The following CLASP1 variants were observed in gnomAD, a reference collection of about 807,000 sequenced individuals.
CLASP1 encodes the protein CLIP-associating protein 1.
In CLASP1, 38 loss-of-function variants were observed where a neutral mutation model predicts 192.3. The ratio of observed to expected loss-of-function variants is 0.20; its 90% confidence interval spans 0.15 to 0.26. The LOEUF is 0.26. Ranked by LOEUF, CLASP1 falls within the 10% of genes least tolerant of loss-of-function variation. The pLI is 1.00. For synonymous variants in CLASP1, 691 were observed against 712.8 expected (o/e 0.97, Z 0.49); for missense variants, 1,433 against 1,932.5 (o/e 0.74, Z 4.85).
chr2:121,520,778 T>G (rs1207444385), intron 6 of CLASP1, among the ~76,000 whole-genome samples: 1 of 152,216 alleles, frequency 6.6e-6, no homozygotes, highest in South Asian at 2.1e-4. Flanking sequence ...CTCGGACCAC[T>G]GGCTGCCTCT....
chr2:121,358,667 T>C (rs1477043296), intron 37 of CLASP1, among the ~76,000 whole-genome samples: 1 of 152,254 alleles, frequency 6.6e-6, no homozygotes, highest in African/African-American at 2.4e-5. Context: ...TATAAATAAC[T>C]TTGGTCTGAT....
At chr2:121,526,461 G>A (rs1358011048) in intron 5 of CLASP1, among the ~76,000 whole-genome samples, 1 of 152,174 alleles carries the variant, frequency 6.6e-6, no homozygotes, top group Non-Finnish European at 1.5e-5. Flanking sequence ...TCCCTGTCAT[G>A]ACAAATAGCC....
At chr2:121,517,981 C>T (rs1430671827) in intron 6 of CLASP1, among the ~76,000 whole-genome samples, 1 of 138,462 alleles carries the variant, frequency 7.2e-6, no homozygotes, top group Non-Finnish European at 1.5e-5. Context: ...TTCAGGAGTT[C>T]GAGTTCAGGC....
intron 1 of CLASP1, among the ~76,000 whole-genome samples, chr2:121,640,055 T>C (rs980428931): frequency 6.6e-6 from 1 of 151,842 alleles, no homozygotes; most frequent in Admixed American, 6.6e-5. Context: ...AAAGGATGAG[T>C]TCATGTCCTT....
intron 1 of CLASP1, among the ~76,000 whole-genome samples, chr2:121,620,864 G>GA (rs1311771157): frequency 6.6e-6 from 1 of 151,622 alleles, no homozygotes; most frequent in Admixed American, 6.6e-5. Context: ...GGTGCCATTT[G>GA]AAAAAAAGGT....
At chr2:121,339,958 ATCACCGTG>A (rs1482759647) in exon 40 of CLASP1, 1 of 152,212 alleles carries the variant, frequency 6.6e-6, no homozygotes, top group African/African-American at 2.4e-5. Context: ...CTCAATCTGA[ATCACCGTG>A]TAGCCCAGAG....
intron 1 of CLASP1, among the ~76,000 whole-genome samples, chr2:121,630,680 A>G (rs1419699930): frequency 6.7e-6 from 1 of 149,862 alleles, no homozygotes; most frequent in African/African-American, 2.5e-5. Context: ...CCTGGCCAAC[A>G]TGGCAAAACT....
chr2:121,600,335 G>C (rs984282214), intron 2 of CLASP1, among the ~76,000 whole-genome samples: 38 of 152,146 alleles, frequency 2.5e-4, no homozygotes, highest in Admixed American at 2.2e-3. Context: ...TAAAATATTA[G>C]AGCTTGAGGG....
At position 121,402,189 on chromosome 2, in the gene CLASP1, C is replaced by T. The variant is rs1051790084; in HGVS notation, c.2734-319G>A. On this transcript the variant is annotated intron_variant, in intron 26 of 39. Transcript: ENST00000263710. The stretch of plus-strand genomic sequence containing the variant: ...ATGAGCCAATAAAAACACCTACTCA[C>T]TATTGTGTAGCTATTGCTTTTCACG... Among the ~76,000 whole-genome samples, 14 of 152,292 alleles carry T rather than the reference C, an allele frequency of 9.2e-5. No individual in the cohort carries two copies. In the East Asian group the frequency reaches 1.7e-3, roughly 19 times the overall value.
intron 1 of CLASP1, among the ~76,000 whole-genome samples, chr2:121,611,603 TG>T (rs2065515363): frequency 1.8e-5 from 1 of 56,772 alleles, no homozygotes; most frequent in African/African-American, 8.2e-5. Flanking sequence ...GAGGAGGAGT[TG>T]GAGGAGTTAC....
intron 8 of CLASP1, among the ~76,000 whole-genome samples, chr2:121,502,901 A>C (rs1018650970): frequency 3.3e-5 from 5 of 152,224 alleles, no homozygotes; most frequent in African/African-American, 1.2e-4. Context: ...AGACAGCAGC[A>C]GTGATGATGA....
In CLASP1 at chr2:121,470,094, T is replaced by A. The variant is rs952750238; in HGVS notation, c.713-134A>T. The A allele has an allele frequency of 2.2e-5, 17 of 765,736 alleles. No individual in the cohort carries two copies. The African/African-American group carries it at 2.6e-4, about 12-fold the overall frequency. 47.4% of individuals were successfully genotyped at this position (765,736 alleles called of 1,614,324 possible). On this transcript the variant is annotated intron_variant, in intron 8 of 39. Coordinates refer to ENST00000263710, the Ensembl canonical transcript of CLASP1. ...CTGCATACTCTTTTGGAATCTGAGG[T>A]GCTCCTCTAGGGTCTGGAAAGCCTT...
chr2:121,576,030 T>C (rs1421620442), intron 2 of CLASP1, among the ~76,000 whole-genome samples: 2 of 152,266 alleles, frequency 1.3e-5, no homozygotes, highest in East Asian at 1.9e-4. Context: ...AATAGCAAGG[T>C]ATTACACAAC....
chr2:121,591,623 G>A (rs1400056202), intron 2 of CLASP1, among the ~76,000 whole-genome samples: 1 of 152,146 alleles, frequency 6.6e-6, no homozygotes, highest in Non-Finnish European at 1.5e-5. Context: ...GCTCAGCCTC[G>A]CTGGTGCACA....
At chr2:121,458,013 C>G (rs1311002370) in intron 13 of CLASP1, among the ~76,000 whole-genome samples, 1 of 152,162 alleles carries the variant, frequency 6.6e-6, no homozygotes, top group Non-Finnish European at 1.5e-5. Context: ...TAAATTATCT[C>G]AGCTGTAGAC....
intron 1 of CLASP1, among the ~76,000 whole-genome samples, chr2:121,609,862 A>G (rs902793713): frequency 2.6e-5 from 4 of 152,202 alleles, no homozygotes; most frequent in Non-Finnish European, 5.9e-5. Context: ...AATCGCTTGA[A>G]GCAGGGAGTC....
intron 29 of CLASP1, among the ~76,000 whole-genome samples, chr2:121,398,004 GAA>G (rs2075574622): frequency 6.6e-6 from 1 of 152,160 alleles, no homozygotes; most frequent in Non-Finnish European, 1.5e-5. Flanking sequence ...TATTAATTGT[GAA>G]AAAGACTAGT....
intron 39 of CLASP1, among the ~76,000 whole-genome samples, chr2:121,346,437 C>T (rs1294398025): frequency 6.6e-6 from 1 of 152,252 alleles, no homozygotes; most frequent in African/African-American, 2.4e-5. Flanking sequence ...TTTTCAGTGA[C>T]ATCCATTTTG....
At chr2:121,588,992 G>C (rs531298919) in intron 2 of CLASP1, among the ~76,000 whole-genome samples, 1 of 152,340 alleles carries the variant, frequency 6.6e-6, no homozygotes, top group East Asian at 1.9e-4. Flanking sequence ...GCTGGGAAGA[G>C]AGAAACTCAG....
Sources: gnomAD v4.1 joint callset for allele counts (sites outside exome capture counted in the v4.1 genomes callset) on GRCh38, gnomAD v4.1.1 for gene constraint, MANE v1.5 for transcripts, NCBI Gene and HGNC (gene_info 2026-07-23, HGNC 2026-07-21) for gene names.